Variants in FLT4 observed in about 807,000 individuals in gnomAD.
FLT4 encodes vascular endothelial growth factor receptor 3.
FLT4 carries 30 observed loss-of-function variants against 163.2 expected under a neutral mutation model. That is an observed-to-expected ratio of 0.18 (90% CI 0.14 to 0.25). The LOEUF (loss-of-function observed/expected upper bound fraction) is 0.25, where lower values mean the gene tolerates loss of function less well. Among genes scored for constraint, FLT4 ranks in the 10% least tolerant of loss-of-function variants. The pLI is 1.00. For synonymous variants in FLT4, 884 were observed against 789.5 expected (o/e 1.12, Z -2.01); for missense variants, 1,510 against 1,863.8 (o/e 0.81, Z 3.50).
chr5:180,623,904 C>T lies in FLT4; in HGVS notation c.1548+31G>A, dbSNP rs1199814279. On this transcript the variant is annotated intron_variant, in intron 11 of 29. Transcript: ENST00000261937. This position sits in a 1 kb window ranked among gnomAD's most constrained non-coding sequence, Gnocchi z 5.8. ...TCTCTCTCCTCCCTTCTCCTTCTCC[C>T]TGGGCACTCAGCAGCGCGGCTGGCC... 1.2e-6 allele frequency: 2 copies of T among 1,613,128 alleles called. No homozygotes were observed. The highest frequency in any genetic ancestry group is 1.7e-6 in the Non-Finnish European group (2 of 1,179,716).
At chr5:180,611,836 C>G (rs1385946296) in intron 26 of FLT4, 2 of 379,502 alleles carry the variant, frequency 5.3e-6, no homozygotes, top group East Asian at 5.8e-5. Flanking sequence ...TCCCAACAGC[C>G]CTTCCAGGTA....
intron 10 of FLT4, 25 bp downstream of exon 10, chr5:180,625,844 G>A: frequency 2.6e-6 from 4 of 1,522,960 alleles, no homozygotes; most frequent in African/African-American, 1.8e-5. Flanking sequence ...CTGTGCAGGG[G>A]ACCTGAGGCT....
At position 180,630,816 on chromosome 5, in the gene FLT4, G is replaced by A. The variant is rs1456180225; in HGVS notation, c.156-17C>T. ...TGCTGTCCCCTGGCAGAGGACAGGA[G>A]TGGTCAGGTGGGCCCCAGGGCAGCC... On this transcript the variant is annotated splice_polypyrimidine_tract_variant and intron_variant, in intron 2 of 29. Transcript: ENST00000261937. This position sits in a 1 kb window ranked among gnomAD's most constrained non-coding sequence, Gnocchi z 6.3. The A allele has an allele frequency of 7.5e-6, 12 of 1,592,026 alleles. No individual in the cohort carries two copies. The highest frequency in any genetic ancestry group is 1.0e-5 in the Non-Finnish European group (12 of 1,173,822).
rs1247251650 is a variant in FLT4 at position 180,621,235 on chromosome 5, G to A, written c.2038C>T (p.Leu680Phe). Residue 680 changes from leucine (L) to phenylalanine (F), a missense_variant, in exon 14 of 30, where the codon CTC becomes TTC. By Grantham distance (22) the Leu-to-Phe change is conservative. Coordinates refer to ENST00000261937, the MANE Select transcript of FLT4 (RefSeq NM_182925.5). The part of the protein sequence containing the change: ...LSVQALEAPR[L>F]TQNLTDLLVN... ...AGGAGGTCGGTCAAGTTCTGCGTGA[G>A]CCGAGGGGCTTCCAGGGCTGGGGGC... 6.2e-7 allele frequency: 1 copy of A among 1,612,218 alleles called. No homozygotes were observed. The highest frequency in any genetic ancestry group is 8.5e-7 in the Non-Finnish European group (1 of 1,179,600).
At chr5:180,648,086 G>T (rs1765568774) in intron 1 of FLT4, among the ~76,000 whole-genome samples, 1 of 152,148 alleles carries the variant, frequency 6.6e-6, no homozygotes, top group African/African-American at 2.4e-5. Context: ...TCTCCTCCAG[G>T]ATAAGCGTCT....
At chr5:180,648,545 T>TTCA (rs1473418957) in intron 1 of FLT4, among the ~76,000 whole-genome samples, 1 of 152,188 alleles carries the variant, frequency 6.6e-6, no homozygotes, top group African/African-American at 2.4e-5. Flanking sequence ...CTGGAACCCC[T>TTCA]GACCCCGCCC....
intron 1 of FLT4, among the ~76,000 whole-genome samples, chr5:180,644,918 G>T (rs998253645): frequency 3.5e-4 from 54 of 152,260 alleles, no homozygotes; most frequent in African/African-American, 1.3e-3. Flanking sequence ...ACCTGCCCCG[G>T]AAGGCCCCTT....
rs761356839 is a variant in FLT4 at position 180,629,678 on chromosome 5, C to G, written c.816+18G>C. ...GACTCCTGGGGACAGGACAGCCTGG[C>G]AGCGCTGCTGACCTCACCTGCTTCC... is the stretch of plus-strand genomic sequence containing the variant. On this transcript the variant is annotated intron_variant, in intron 6 of 29. Transcript: ENST00000261937. The G allele has an allele frequency of 3.9e-5, 62 of 1,608,744 alleles. No homozygotes were observed. The highest frequency in any genetic ancestry group is 5.1e-6 in the Non-Finnish European group (6 of 1,178,260).
chr5:180,619,651 C>T lies in FLT4; in HGVS notation c.2647+14G>A, dbSNP rs764954053. Reference sequence around the variant, plus strand: ...CACCAGCTAGGCTGCCCCTTCCGCCCGCTGACCCCACACCTTTCAGCATTT... The same window carrying T: ...CACCAGCTAGGCTGCCCCTTCCGCCTGCTGACCCCACACCTTTCAGCATTT... On this transcript the variant is annotated intron_variant, in intron 18 of 29. Coordinates refer to ENST00000261937, the MANE Select transcript of FLT4 (RefSeq NM_182925.5). 1.2e-6 allele frequency: 2 copies of T among 1,605,558 alleles called. No individual in the cohort carries two copies. The highest frequency in any genetic ancestry group is 1.7e-6 in the Non-Finnish European group (2 of 1,173,490).
chr5:180,609,175 G>A, intron 28 of FLT4, 122 bp from the exon 29 acceptor site: 1 of 787,564 alleles, frequency 1.3e-6, no homozygotes, highest in Non-Finnish European at 2.2e-6. Context: ...CCTGTCCCTG[G>A]GAAGCTGAGC....
intron 18 of FLT4, 110 bp from the exon 19 acceptor site, chr5:180,619,476 G>A: frequency 1.0e-6 from 1 of 978,488 alleles, no homozygotes. Flanking sequence ...AGGACATCCT[G>A]CCGGCCCCAC....
chr5:180,609,423 G>A, intron 28 of FLT4: 1 of 414,472 alleles, frequency 2.4e-6, no homozygotes, highest in African/African-American at 2.0e-5. Context: ...CTGCCTCCCG[G>A]TTTGGGGGGC....
At chr5:180,609,463 G>A in intron 28 of FLT4, 1 of 372,600 alleles carries the variant, frequency 2.7e-6, no homozygotes, top group South Asian at 2.9e-5. Context: ...GGCTTGGTGT[G>A]GTTTTTATTT....
intron 17 of FLT4, among the ~76,000 whole-genome samples, 186 bp downstream of exon 17, chr5:180,619,987 G>C (rs1265549552): frequency 6.6e-6 from 1 of 152,226 alleles, no homozygotes; most frequent in Admixed American, 6.5e-5. Context: ...GGCAGCAGGT[G>C]ACCTCAGGGA....
chr5:180,631,714 G>T lies in FLT4; in HGVS notation c.123C>A (p.Ile41=). ...AGATGGACAGGCTGTCACCGGTGTC[G>T]ATGACGTGTGACTCCTCCGTGATGT... is the stretch of plus-strand genomic sequence containing the variant. ...TLNITEESHV[I]DTGDSLSISC... is the part of the protein sequence containing the mutation. The change falls in exon 2 of 30, where the codon ATC becomes ATA. Residue 41 remains isoleucine (I), a synonymous_variant. Transcript: ENST00000261937. 1 of 1,610,618 alleles carries T rather than the reference G, an allele frequency of 6.2e-7. No individual in the cohort carries two copies.
chr5:180,615,545 G>C (rs1581631067), intron 23 of FLT4, among the ~76,000 whole-genome samples: 1 of 22,026 alleles, frequency 4.5e-5, no homozygotes, highest in African/African-American at 1.2e-4. Context: ...GGAGCACTGG[G>C]CCCGCCGGTC....
chr5:180,633,939 G>A (rs763517200), intron 1 of FLT4, among the ~76,000 whole-genome samples: 3 of 152,006 alleles, frequency 2.0e-5, no homozygotes, highest in African/African-American at 4.8e-5. Flanking sequence ...TTGAGCTGGT[G>A]GCCCCCTTCT....
At chr5:180,611,575 T>TC in intron 26 of FLT4, 96 bp from the exon 27 acceptor site, 1 of 1,161,938 alleles carries the variant, frequency 8.6e-7, no homozygotes, top group Non-Finnish European at 1.1e-6. Context: ...CCCTCAGCCC[T>TC]CACCCCCGCC....
chr5:180,628,136 T>C lies in FLT4; in HGVS notation c.1103+746A>G, dbSNP rs149616541. ...CAGTGCAGAGACCCCTCCTGGGGAA[T>C]TGGCGATCAGTTAGGAATACCCTTT... On this transcript the variant is annotated intron_variant, in intron 8 of 29. Coordinates refer to ENST00000261937, the MANE Select transcript of FLT4 (RefSeq NM_182925.5). 3.2e-4 allele frequency among the ~76,000 whole-genome samples: 48 copies of C among 152,306 alleles called. No homozygotes were observed. In the East Asian group the frequency reaches 5.0e-3, roughly 16 times the overall value.
Sources: gnomAD v4.1 joint callset for allele counts (sites outside exome capture counted in the v4.1 genomes callset) on GRCh38, gnomAD v4.1.1 for gene constraint, Gnocchi (gnomAD v3.1) non-coding constraint, MANE v1.5 for transcripts, NCBI Gene and HGNC (gene_info 2026-07-23, HGNC 2026-07-21) for gene names.